BAIAP2: variants seen among roughly 807,000 people sequenced by gnomAD.
BAIAP2 encodes the protein BAR/IMD domain-containing adapter protein 2.
A neutral mutation model predicts 63.0 loss-of-function variants in BAIAP2; 18 were observed. The observed-to-expected ratio is 0.29, with a 90% CI of 0.20 to 0.42. The LOEUF (loss-of-function observed/expected upper bound fraction) is 0.42. BAIAP2 is among the 10% of genes least tolerant of loss of function. The pLI is 1.00. For synonymous variants in BAIAP2, 386 were observed against 307.6 expected (o/e 1.25, Z -2.67); for missense variants, 610 against 734.3 (o/e 0.83, Z 1.96).
At chr17:81,035,838 A>G (rs1445440670) in intron 1 of BAIAP2, among the ~76,000 whole-genome samples, 7 of 152,084 alleles carry the variant, frequency 4.6e-5, no homozygotes, top group South Asian at 2.1e-4. Context: ...CGGGCACTTC[A>G]TTCTCAACAG....
chr17:81,109,750 C>T lies in BAIAP2; in HGVS notation c.1535+1241C>T, dbSNP rs1363650096. 23 of 985,320 alleles carry T rather than the reference C, an allele frequency of 2.3e-5. No homozygotes were observed. The South Asian group carries it at 2.3e-4, about 10-fold the overall frequency. 61.0% of individuals were successfully genotyped at this position (985,320 alleles called of 1,614,324 possible). On this transcript the variant is annotated intron_variant, in intron 13 of 13. Coordinates refer to ENST00000428708, the MANE Select transcript of BAIAP2 (RefSeq NM_001144888.2). ...CGTCGGGCACTGGCGGGAGCAAGGT[C>T]GGGGGCAGGCGCTGCCCAGCTGGCC... is the stretch of plus-strand genomic sequence containing the variant.
chr17:81,077,622 A>G (rs538585312), intron 3 of BAIAP2, among the ~76,000 whole-genome samples: 29 of 152,002 alleles, frequency 1.9e-4, no homozygotes, highest in African/African-American at 6.5e-4. Flanking sequence ...TCTCAATTTT[A>G]AAAAAAGAGC....
Position 81,075,936 on chromosome 17 carries a change from A to ATT in BAIAP2, c.218-8881_218-8880dup, listed in dbSNP as rs56219227. On this transcript the variant is annotated intron_variant, in intron 3 of 13. Transcript: ENST00000428708. ...GTATACTTTTTTGGGTCTGCTGGGAATTTTTTTTTTTTTTTTGTAGTGGTG... is the reference window on the plus strand; with the variant it reads ...GTATACTTTTTTGGGTCTGCTGGGAATTTTTTTTTTTTTTTTTTGTAGTGGTG... Among the ~76,000 whole-genome samples the ATT allele has an allele frequency of 5.0e-3, 729 of 145,404 alleles. 3 individuals carry two copies. Among genetic ancestry groups the ATT allele is most frequent in the South Asian group, 0.014 (66 of 4,554 alleles).
At chr17:81,041,178 C>T (rs559005201) in intron 1 of BAIAP2, among the ~76,000 whole-genome samples, 1 of 152,380 alleles carries the variant, frequency 6.6e-6, no homozygotes, top group Admixed American at 6.5e-5. Context: ...CTTGGGCTTC[C>T]TGCCAGGCCT....
intron 1 of BAIAP2, among the ~76,000 whole-genome samples, chr17:81,037,345 C>A (rs2046418095): frequency 1.3e-5 from 2 of 152,250 alleles, no homozygotes; most frequent in African/African-American, 4.8e-5. Flanking sequence ...GCTTGCGCTG[C>A]TGCTGCTGCA....
At chr17:81,037,713 G>A (rs1004171449) in intron 1 of BAIAP2, among the ~76,000 whole-genome samples, 67 of 152,378 alleles carry the variant, frequency 4.4e-4, no homozygotes, top group African/African-American at 1.6e-3. Context: ...CTCTTGGAAC[G>A]GCTGTGCTGT....
chr17:81,090,976 T>TG (rs1422289424), intron 6 of BAIAP2, among the ~76,000 whole-genome samples: 1 of 152,180 alleles, frequency 6.6e-6, no homozygotes, highest in African/African-American at 2.4e-5. Flanking sequence ...GGAAGCACCC[T>TG]GGGCTGGGGA....
At chr17:81,096,529 C>T (rs2057641966) in intron 6 of BAIAP2, among the ~76,000 whole-genome samples, 2 of 151,726 alleles carry the variant, frequency 1.3e-5, no homozygotes. Context: ...GGCCTTGGAA[C>T]AGGCCTGGGT....
chr17:81,047,829 C>T (rs1346039800), intron 1 of BAIAP2, among the ~76,000 whole-genome samples: 1 of 152,208 alleles, frequency 6.6e-6, no homozygotes, highest in Non-Finnish European at 1.5e-5. Context: ...GCATCTAGCA[C>T]ACTCGTGAGT....
At chr17:81,095,751 G>A (rs1217080282) in intron 6 of BAIAP2, among the ~76,000 whole-genome samples, 1 of 152,136 alleles carries the variant, frequency 6.6e-6, no homozygotes, top group Non-Finnish European at 1.5e-5. Flanking sequence ...CGTACTTTCT[G>A]TCTCTCCCCC....
At position 81,104,636 on chromosome 17, in the gene BAIAP2, A is replaced by G. The variant is rs1293653505; in HGVS notation, c.1189A>G (p.Lys397Glu). The change falls in exon 10 of 14, where the codon AAG (lysine) becomes GAG (glutamate). Residue 397 changes from lysine to glutamate, a missense_variant. Physicochemically the swap from Lys to Glu is moderately conservative, Grantham distance 56 (BLOSUM62 1). Transcript: ENST00000428708. ...GGACAACAGCACCCTCCTGAGCTTCAAGGAGGGTGACCTCATTACCCTGCT... is the reference window on the plus strand; with the variant it reads ...GGACAACAGCACCCTCCTGAGCTTCGAGGAGGGTGACCTCATTACCCTGCT... ...AGDNSTLLSF[K>E]EGDLITLLVP... 6.2e-7 allele frequency: 1 copy of G among 1,610,992 alleles called. No individual in the cohort carries two copies.
chr17:81,116,680 G>T lies in BAIAP2; in HGVS notation c.*841G>T, dbSNP rs955469082. 1.3e-5 allele frequency: 4 copies of T among 300,112 alleles called. No homozygotes were observed. Among genetic ancestry groups the T allele is most frequent in the Non-Finnish European group, 6.4e-6 (1 of 155,714 alleles). 18.6% of individuals were successfully genotyped at this position (300,112 alleles called of 1,614,324 possible). A position where few individuals can be genotyped will look rare whatever the true frequency, so the allele number is the denominator to read the frequency against. ...TCCGCTGACTCCTGCAGGCACTGGGGAGCTCTGCTGGAATTGGGGGTTTTA... is the reference window on the plus strand; with the variant it reads ...TCCGCTGACTCCTGCAGGCACTGGGTAGCTCTGCTGGAATTGGGGGTTTTA... On this transcript the variant is annotated 3_prime_UTR_variant, in exon 14 of 14. Coordinates refer to ENST00000428708, the MANE Select transcript of BAIAP2 (RefSeq NM_001144888.2).
At chr17:81,045,890 G>A (rs868269047) in intron 1 of BAIAP2, among the ~76,000 whole-genome samples, 1 of 152,162 alleles carries the variant, frequency 6.6e-6, no homozygotes, top group Non-Finnish European at 1.5e-5. Context: ...GGAAGGGTGG[G>A]GGACCAGCCC....
intron 5 of BAIAP2, among the ~76,000 whole-genome samples, chr17:81,086,179 T>C (rs2055601483): frequency 6.6e-6 from 1 of 151,962 alleles, no homozygotes; most frequent in Non-Finnish European, 1.5e-5. Context: ...CCTCGGCCAC[T>C]TTTTCCAAGT....
Position 81,116,295 on chromosome 17 carries a change from C to A in BAIAP2, c.*456C>A, listed in dbSNP as rs1417976985. 22 of 1,612,754 alleles carry A rather than the reference C, an allele frequency of 1.4e-5. No individual in the cohort carries two copies. The highest frequency in any genetic ancestry group is 1.9e-5 in the Non-Finnish European group (22 of 1,179,940). On this transcript the variant is annotated 3_prime_UTR_variant, in exon 14 of 14. Transcript: ENST00000428708. ...GGGGATGGGAGCGCCCGCACCCTGG[C>A]TGGAAGATGAACTTCCCGTAAGCAC... is the stretch of plus-strand genomic sequence containing the variant.
chr17:81,116,028 G>T lies in BAIAP2; in HGVS notation c.*189G>T, dbSNP rs2060510676. 7.5e-6 allele frequency: 11 copies of T among 1,457,092 alleles called. No individual in the cohort carries two copies. The highest frequency in any genetic ancestry group is 1.4e-5 in the South Asian group (1 of 71,680). The allele number at this position is 1,457,092 out of a possible 1,614,324, so 90.3% of individuals were successfully genotyped here. A position where few individuals can be genotyped will look rare whatever the true frequency, so the allele number is the denominator to read the frequency against. On this transcript the variant is annotated 3_prime_UTR_variant, in exon 14 of 14. Transcript: ENST00000428708. ...CAGGGCCGGGCAGAGTGGGGCGCAG[G>T]CCCCTGAAGGGCGAGACCCAGTGGC...
intron 1 of BAIAP2, among the ~76,000 whole-genome samples, chr17:81,049,733 C>T (rs2048370215): frequency 6.6e-6 from 1 of 152,238 alleles, no homozygotes. Context: ...AGCTGCCTGT[C>T]ACTGGCTCCC....
chr17:81,116,503 T>G lies in BAIAP2; in HGVS notation c.*664T>G. ...CTTACCCAACCTCCCATCCAGAACC[T>G]TGCTGCCAGGGCCTCCCAGCTCGCT... On this transcript the variant is annotated 3_prime_UTR_variant, in exon 14 of 14. Coordinates refer to ENST00000428708, the MANE Select transcript of BAIAP2 (RefSeq NM_001144888.2). 2.9e-6 allele frequency: 2 copies of G among 697,110 alleles called. No homozygotes were observed. Among genetic ancestry groups the G allele is most frequent in the Non-Finnish European group, 2.3e-6 (1 of 431,282 alleles). 43.2% of individuals were successfully genotyped at this position (697,110 alleles called of 1,614,324 possible).
intron 3 of BAIAP2, among the ~76,000 whole-genome samples, chr17:81,072,261 T>G (rs1405647732): frequency 1.3e-5 from 2 of 152,216 alleles, no homozygotes; most frequent in Admixed American, 6.5e-5. Context: ...AGGCCCCACC[T>G]CAGTCCACAA....
Sources: allele counts gnomAD v4.1 joint callset (sites outside exome capture counted in the v4.1 genomes callset), GRCh38; gene constraint gnomAD v4.1.1; transcripts MANE v1.5; gene names NCBI Gene and HGNC (gene_info 2026-07-23, HGNC 2026-07-21).